The following ELMO2 variants were observed in gnomAD, a reference collection of about 807,000 sequenced individuals.
ELMO2 encodes engulfment and cell motility 2, also known as engulfment and cell motility protein 2.
A neutral mutation model predicts 96.2 loss-of-function variants in ELMO2; 37 were observed. The observed-to-expected ratio is 0.38, with a 90% CI of 0.30 to 0.51. The LOEUF is 0.51. ELMO2 is among the 20% of genes least tolerant of loss of function. The pLI is 0.88. For synonymous variants in ELMO2, 315 were observed against 329.4 expected (o/e 0.96, Z 0.47); for missense variants, 561 against 912.6 (o/e 0.61, Z 4.96).
At position 46,375,746 on chromosome 20, in the gene ELMO2, A is replaced by G. The variant is rs977614696; in HGVS notation, c.852T>C (p.His284=). Reference sequence around the variant, plus strand: ...TTAGGACTTGAAGGACATATAGCTGATGGGCCATCTCAGTTTTGATGGGGC... The same window carrying G: ...TTAGGACTTGAAGGACATATAGCTGGTGGGCCATCTCAGTTTTGATGGGGC... The part of the protein sequence containing the change: ...GNRPIKTEMA[H]QLYVLQVLTF... Residue 284 remains histidine (H), a synonymous_variant, in exon 12 of 22, where the codon CAT becomes CAC. Transcript: ENST00000290246. This position sits in a 1 kb window ranked among gnomAD's most constrained non-coding sequence, Gnocchi z 4.6. 2.5e-6 allele frequency: 4 copies of G among 1,614,066 alleles called. No individual in the cohort carries two copies. The African/African-American group carries it at 5.3e-5, about 22-fold the overall frequency.
intron 11 of ELMO2, among the ~76,000 whole-genome samples, chr20:46,378,666 G>C (rs2059904495): frequency 6.6e-6 from 1 of 152,316 alleles, no homozygotes; most frequent in South Asian, 2.1e-4. Context: ...TTTTAGAGCA[G>C]CTGACTGCTC....
intron 1 of ELMO2, among the ~76,000 whole-genome samples, chr20:46,406,241 C>T (rs1046482853): frequency 3.3e-5 from 5 of 151,978 alleles, no homozygotes; most frequent in African/African-American, 1.2e-4. Flanking sequence ...CCCTCCTTCT[C>T]CCTCCGACCG....
chr20:46,373,621 C>T, intron 15 of ELMO2, 86 bp from the exon 16 acceptor site: 1 of 1,549,804 alleles, frequency 6.5e-7, no homozygotes, highest in Non-Finnish European at 8.8e-7. Context: ...GCACCAAAGT[C>T]CCGAGGAACA....
intron 11 of ELMO2, among the ~76,000 whole-genome samples, chr20:46,379,734 T>C (rs920388090): frequency 2.6e-5 from 4 of 152,110 alleles, no homozygotes; most frequent in African/African-American, 9.7e-5. Flanking sequence ...CCTCTAAAAG[T>C]TTCCGGAAAC....
At chr20:46,385,450 G>C (rs77406105) in intron 9 of ELMO2, among the ~76,000 whole-genome samples, 1,597 of 152,308 alleles carry the variant, frequency 0.01, 63 homozygotes, top group Admixed American at 0.071. Flanking sequence ...CTCTATGCTG[G>C]ACCTTTTTAA....
rs770530869 is a variant in ELMO2, at chr20:46,389,227, G to A, written c.244-7C>T. On this transcript the variant is annotated splice_region_variant and splice_polypyrimidine_tract_variant and intron_variant, in intron 6 of 21. Transcript: ENST00000290246. ...GCTGGCGTGCAGCCCGGGACTAGGA[G>A]GCCAGGGACAAGATATGTGCCATCT... is the stretch of plus-strand genomic sequence containing the variant. The A allele has an allele frequency of 3.5e-5, 57 of 1,612,794 alleles. No individual in the cohort carries two copies. The highest frequency in any genetic ancestry group is 4.7e-5 in the Non-Finnish European group (55 of 1,179,304).
At chr20:46,398,407 G>A (rs1450114332) in intron 2 of ELMO2, among the ~76,000 whole-genome samples, 1 of 152,014 alleles carries the variant, frequency 6.6e-6, no homozygotes, top group African/African-American at 2.4e-5. Flanking sequence ...CTGTCTCCTG[G>A]GTTCAAGCGA....
chr20:46,398,053 C>A (rs6124793), intron 2 of ELMO2, among the ~76,000 whole-genome samples: 151,483 of 152,336 alleles, frequency 0.99, 75,321 homozygotes, highest in Middle Eastern at 1. Flanking sequence ...GCAACTAATA[C>A]GCCTAAGACC....
At position 46,380,278 on chromosome 20, in the gene ELMO2, T is replaced by C. The variant is rs1368652634; in HGVS notation, c.782A>G (p.Lys261Arg). 4.3e-6 allele frequency: 7 copies of C among 1,613,756 alleles called. No individual in the cohort carries two copies. Among genetic ancestry groups the C allele is most frequent in the Non-Finnish European group, 5.9e-6 (7 of 1,179,714 alleles). The stretch of plus-strand genomic sequence containing the variant: ...ATTCAGGATTATAGACCGGAGATGC[T>C]TCTGTGCAAATGCATTTGCCATATC... ...RQDMANAFAQ[K>R]HLRSIILNHV... Residue 261 changes from lysine (K) to arginine (R), a missense_variant, in exon 11 of 22, where the codon AAG becomes AGG. By Grantham distance (26) the Lys-to-Arg change is conservative. Coordinates refer to ENST00000290246, the MANE Select transcript of ELMO2 (RefSeq NM_133171.5).
rs2059716952 is a variant in ELMO2 at position 46,371,774 on chromosome 20, C to T, written c.1580+32G>A. 3.1e-6 allele frequency: 5 copies of T among 1,613,852 alleles called. No individual in the cohort carries two copies. The highest frequency in any genetic ancestry group is 4.2e-6 in the Non-Finnish European group (5 of 1,179,768). ...AGGAAAGCAGAGCTGGCAGCCACCT[C>T]CCCCGCCAGCCTCCCCTGAGATGGA... is the stretch of plus-strand genomic sequence containing the variant. On this transcript the variant is annotated intron_variant, in intron 17 of 21. Transcript: ENST00000290246. The surrounding 1 kb of genome is among the most constrained non-coding windows in gnomAD (Gnocchi z 5.9).
At chr20:46,387,172 A>C (rs1318379420) in intron 8 of ELMO2, among the ~76,000 whole-genome samples, 166 bp downstream of exon 8, 1 of 152,144 alleles carries the variant, frequency 6.6e-6, no homozygotes, top group Non-Finnish European at 1.5e-5. Flanking sequence ...AACAAAATGC[A>C]AATCTTTCAG....
rs1164925409 is a variant in ELMO2, at chr20:46,366,151, C to CT, written c.*1208dup. The CT allele has an allele frequency of 3.3e-5, 5 of 152,662 alleles. No individual in the cohort carries two copies. The highest frequency in any genetic ancestry group is 7.3e-5 in the Non-Finnish European group (5 of 68,052). The allele number at this position is 152,662 out of a possible 1,614,324, so 9.5% of individuals were successfully genotyped here. On this transcript the variant is annotated 3_prime_UTR_variant, in exon 22 of 22. Coordinates refer to ENST00000290246, the MANE Select transcript of ELMO2 (RefSeq NM_133171.5). ...GGCTCACAACTGGAAGTGTTACATA[C>CT]TTTTTACTTCCCCTCAATTTTATTT...
chr20:46,387,063 G>A (rs2060058562), intron 8 of ELMO2, among the ~76,000 whole-genome samples: 1 of 152,160 alleles, frequency 6.6e-6, no homozygotes, highest in Non-Finnish European at 1.5e-5. Context: ...CTGGTTGACT[G>A]GCTGGCTTTA....
chr20:46,386,576 G>A (rs188515739), intron 8 of ELMO2, among the ~76,000 whole-genome samples: 1 of 152,256 alleles, frequency 6.6e-6, no homozygotes, highest in Non-Finnish European at 1.5e-5. Context: ...AAAAGCAGAG[G>A]ATTTTACTGA....
At chr20:46,387,499 G>A (rs2060067906) in intron 7 of ELMO2, 62 bp from the exon 8 acceptor site, 51 of 1,350,494 alleles carry the variant, frequency 3.8e-5, no homozygotes, top group Non-Finnish European at 5.2e-5. Flanking sequence ...ACACAGGTGT[G>A]AGGGCAGCCA....
intron 9 of ELMO2, 38 bp from the exon 10 acceptor site, chr20:46,383,532 A>C: frequency 6.5e-7 from 1 of 1,537,128 alleles, no homozygotes; most frequent in Non-Finnish European, 9.0e-7. Flanking sequence ...GGAGATTAGA[A>C]GACTGAACAG....
intron 1 of ELMO2, among the ~76,000 whole-genome samples, chr20:46,406,001 G>A (rs931604566): frequency 6.6e-6 from 1 of 152,238 alleles, no homozygotes; most frequent in African/African-American, 2.4e-5. Context: ...GCCCAGGCAG[G>A]AAGCGAGAGG....
intron 1 of ELMO2, among the ~76,000 whole-genome samples, chr20:46,404,359 G>A (rs540640974): frequency 5.3e-5 from 8 of 152,284 alleles, no homozygotes; most frequent in African/African-American, 1.9e-4. Context: ...GCTGTACACT[G>A]AAGTTTTTAA....
chr20:46,377,144 C>A (rs946829269), intron 11 of ELMO2, among the ~76,000 whole-genome samples: 3 of 131,390 alleles, frequency 2.3e-5, no homozygotes, highest in Admixed American at 1.6e-4. Context: ...CCTGTGAGGT[C>A]CAGTTTGGTA....
Sources: allele counts gnomAD v4.1 joint callset (sites outside exome capture counted in the v4.1 genomes callset), GRCh38; gene constraint gnomAD v4.1.1; non-coding constraint Gnocchi (gnomAD v3.1); transcripts MANE v1.5; gene names NCBI Gene and HGNC (gene_info 2026-07-23, HGNC 2026-07-21).